The following NPRL3 variants were observed in gnomAD, a reference collection of about 807,000 sequenced individuals.
The protein encoded by NPRL3 is GATOR1 complex protein NPRL3.
In NPRL3, 23 loss-of-function variants were observed where a neutral mutation model predicts 57.2. The observed-to-expected ratio is 0.40, with a 90% CI of 0.29 to 0.57. The LOEUF (loss-of-function observed/expected upper bound fraction) is 0.57. Among genes scored for constraint, NPRL3 ranks in the 20% least tolerant of loss-of-function variants. The pLI is 0.42. For missense variants in NPRL3, 691 were observed against 767.1 expected (o/e 0.90, Z 1.17); for synonymous variants, 333 against 321.1 (o/e 1.04, Z -0.39).
intron 2 of NPRL3, among the ~76,000 whole-genome samples, chr16:135,484 C>T (rs913051516): frequency 2.4e-4 from 36 of 152,056 alleles, no homozygotes; most frequent in African/African-American, 8.7e-4. Context: ...TGGCACGCAC[C>T]TGTAAACCCA....
At position 86,786 on chromosome 16, in the gene NPRL3, C is replaced by T. The variant is rs772339702; in HGVS notation, c.1629G>A (p.Leu543=). The T allele has an allele frequency of 1.9e-6, 3 of 1,608,976 alleles. No individual in the cohort carries two copies. Among genetic ancestry groups the T allele is most frequent in the Non-Finnish European group, 2.5e-6 (3 of 1,177,950 alleles). Residue 543 remains leucine, a synonymous_variant, in exon 14 of 14, where the codon CTG becomes CTA. Coordinates refer to ENST00000611875, the MANE Select transcript of NPRL3 (RefSeq NM_001077350.3). The part of the protein sequence containing the change: ...ENTRRSQLLM[L]FDKFRSVLVV... ...CCAGCACGCTGCGGAACTTGTCAAACAGCATGAGCAGCTGGGAGCGCCGCG... is the reference window on the plus strand; with the variant it reads ...CCAGCACGCTGCGGAACTTGTCAAATAGCATGAGCAGCTGGGAGCGCCGCG...
chr16:134,694 A>ATTATTATTATTATTATTAT (rs1346965930), intron 2 of NPRL3, among the ~76,000 whole-genome samples: 5 of 103,416 alleles, frequency 4.8e-5, no homozygotes, highest in African/African-American at 1.7e-4. Flanking sequence ...AATTATTATT[A>ATTATTATTATTATTATTAT]TTTTTTTTTT....
intron 7 of NPRL3, among the ~76,000 whole-genome samples, chr16:108,361 T>G (rs1899623986): frequency 6.6e-6 from 1 of 152,154 alleles, no homozygotes; most frequent in African/African-American, 2.4e-5. Context: ...GATCCACAAT[T>G]TCACGAGACT....
At chr16:132,912 G>T (rs1013392587) in intron 2 of NPRL3, among the ~76,000 whole-genome samples, 6 of 151,958 alleles carry the variant, frequency 3.9e-5, no homozygotes, top group Non-Finnish European at 5.9e-5. Flanking sequence ...CTCGTGATCC[G>T]CCCACCTCGG....
In NPRL3 at chr16:138,162, C is replaced by G; in HGVS notation, c.106G>C (p.Ala36Pro). ...YPFQRSQEHP[A>P]SQTSKPRSRY... ...AGCGCTCACTTACTTGTCTGGGACGCCGGGTGCTCCTGGCTTCTCTGGAAG... is the reference window on the plus strand; with the variant it reads ...AGCGCTCACTTACTTGTCTGGGACGGCGGGTGCTCCTGGCTTCTCTGGAAG... The change falls in exon 2 of 14, where the codon GCG becomes CCG. Residue 36 changes from alanine to proline, a missense_variant. Physicochemically the swap from Ala to Pro is conservative, Grantham distance 27 (BLOSUM62 -1). Coordinates refer to ENST00000611875, the MANE Select transcript of NPRL3 (RefSeq NM_001077350.3). The G allele has an allele frequency of 6.2e-7, 1 of 1,603,930 alleles. No individual in the cohort carries two copies. The highest frequency in any genetic ancestry group is 8.5e-7 in the Non-Finnish European group (1 of 1,175,790).
chr16:128,106 C>G (rs1054275448), intron 3 of NPRL3, among the ~76,000 whole-genome samples: 7 of 151,986 alleles, frequency 4.6e-5, no homozygotes, highest in African/African-American at 1.7e-4. Flanking sequence ...ATTCTCCTGC[C>G]TTAGCCTCCG....
At chr16:93,178 C>A in intron 10 of NPRL3, 41 bp downstream of exon 10, 1 of 1,340,904 alleles carries the variant, frequency 7.5e-7, no homozygotes, top group Non-Finnish European at 1.0e-6. Flanking sequence ...CTCACCCCTT[C>A]CCACTCGGGG....
At position 100,372 on chromosome 16, in the gene NPRL3, C is replaced by A; in HGVS notation, c.767G>T (p.Arg256Leu). 6.5e-7 allele frequency: 1 copy of A among 1,532,028 alleles called. No individual in the cohort carries two copies. The highest frequency in any genetic ancestry group is 1.2e-5 in the South Asian group (1 of 80,492). The allele number at this position is 1,532,028 out of a possible 1,614,324, so 94.9% of individuals were successfully genotyped here. A position where few individuals can be genotyped will look rare whatever the true frequency, so the allele number is the denominator to read the frequency against. ...TGAGCACGTGGGGCTGGGCACTTAC[C>A]GGATGGCTTTCAGGCTCCGTTCGAT... ...EAIERSLKAI[R>L]PYHALLLLSD... Residue 256 changes from arginine to leucine, a missense_variant and splice_region_variant, in exon 8 of 14, where the codon CGC becomes CTC. Coordinates refer to ENST00000611875, the MANE Select transcript of NPRL3 (RefSeq NM_001077350.3).
intron 5 of NPRL3, among the ~76,000 whole-genome samples, chr16:114,982 CTT>C (rs531876685): frequency 6.9e-6 from 1 of 144,798 alleles, no homozygotes. Context: ...AAGTGTATTT[CTT>C]TTTTTTTTTA....
At chr16:96,648 CA>C (rs68086908) in intron 9 of NPRL3, among the ~76,000 whole-genome samples, 72 of 100,254 alleles carry the variant, frequency 7.2e-4, no homozygotes, top group East Asian at 3.6e-3. Flanking sequence ...CCGTCTCTAC[CA>C]AAAAAAAAAA....
At chr16:98,795 G>T (rs781059394) in intron 8 of NPRL3, among the ~76,000 whole-genome samples, 1 of 152,042 alleles carries the variant, frequency 6.6e-6, no homozygotes. Flanking sequence ...AAAATTATCC[G>T]GGTGTGGTTG....
intron 7 of NPRL3, among the ~76,000 whole-genome samples, chr16:102,721 C>T (rs925259857): frequency 4.6e-5 from 7 of 152,176 alleles, no homozygotes; most frequent in African/African-American, 1.7e-4. Context: ...TGCCCCAGGC[C>T]AGAAGGTACA....
intron 9 of NPRL3, 57 bp from the exon 10 acceptor site, chr16:93,382 GT>G: frequency 8.5e-7 from 1 of 1,175,676 alleles, no homozygotes; most frequent in Non-Finnish European, 1.2e-6. Flanking sequence ...ACCGGGAGCT[GT>G]CAGCAGCTCT....
intron 2 of NPRL3, among the ~76,000 whole-genome samples, chr16:132,284 G>C (rs144027794): frequency 7.3e-4 from 111 of 152,162 alleles, no homozygotes; most frequent in African/African-American, 2.5e-3. Flanking sequence ...TGGGATTACA[G>C]GCGTGAGTCA....
At chr16:129,599 T>G (rs916075804) in intron 3 of NPRL3, among the ~76,000 whole-genome samples, 11 of 152,160 alleles carry the variant, frequency 7.2e-5, no homozygotes, top group Admixed American at 7.2e-4. Context: ...GGAAAATCAC[T>G]TGAGGCCAGG....
At chr16:127,753 C>T (rs1900595953) in intron 3 of NPRL3, among the ~76,000 whole-genome samples, 1 of 150,874 alleles carries the variant, frequency 6.6e-6, no homozygotes, top group African/African-American at 2.4e-5. Flanking sequence ...CTCCCGGGTT[C>T]ACGCCATTCT....
intron 3 of NPRL3, among the ~76,000 whole-genome samples, chr16:122,126 T>G (rs1041260060): frequency 6.6e-6 from 1 of 151,132 alleles, no homozygotes; most frequent in Non-Finnish European, 1.5e-5. Context: ...AGATGGAGTC[T>G]TGCTCTGTCG....
At position 92,786 on chromosome 16, in the gene NPRL3, G is replaced by T. The variant is rs1223405822; in HGVS notation, c.1032-61C>A. The T allele has an allele frequency of 2.5e-6, 4 of 1,592,384 alleles. No individual in the cohort carries two copies. In the Admixed American group the frequency reaches 7.0e-5, roughly 28 times the overall value. On this transcript the variant is annotated intron_variant, in intron 10 of 13. Transcript: ENST00000611875. Reference sequence around the variant, plus strand: ...ACCCCCCCACCGTGTTCTCAACACTGGCCTCAGTGGGCAGCAGAGAAGCAA... The same window carrying T: ...ACCCCCCCACCGTGTTCTCAACACTTGCCTCAGTGGGCAGCAGAGAAGCAA...
chr16:89,728 TGAG>T lies in NPRL3; in HGVS notation c.1333_1335del (p.Leu445del). The T allele has an allele frequency of 6.3e-7, 1 of 1,582,404 alleles. No individual in the cohort carries two copies. Among genetic ancestry groups the T allele is most frequent in the South Asian group, 1.1e-5 (1 of 88,160 alleles). Reference sequence around the variant, plus strand: ...GGGGTCCTACTTGGGGAGCCAAAGCTGAGGGCGTTGGGCGTGCTGAGGCTGCGA... The same window carrying T: ...GGGGTCCTACTTGGGGAGCCAAAGCTGGCGTTGGGCGTGCTGAGGCTGCGA... On this transcript the variant is annotated inframe_deletion, in exon 12 of 14. Transcript: ENST00000611875.
Sources: allele counts gnomAD v4.1 joint callset (sites outside exome capture counted in the v4.1 genomes callset), GRCh38; gene constraint gnomAD v4.1.1; transcripts MANE v1.5; gene names NCBI Gene and HGNC (gene_info 2026-07-23, HGNC 2026-07-21).